C16orf96: variants seen among roughly 807,000 people sequenced by gnomAD.
C16orf96 encodes the protein chromosome 16 open reading frame 96, also known as uncharacterized protein C16orf96.
Under a neutral mutation model 103.6 loss-of-function variants are expected in C16orf96, and 108 were observed. That is an observed-to-expected ratio of 1.04 (90% CI 0.89 to 1.22). The LOEUF (loss-of-function observed/expected upper bound fraction) is 1.22, where lower values mean the gene tolerates loss of function less well. Ranked by LOEUF, C16orf96 falls within the 50% of genes most tolerant of loss-of-function variation. The pLI is 0.00. For synonymous variants in C16orf96, 566 were observed against 593.5 expected, an observed-to-expected ratio of 0.95 and a Z score of 0.67; for missense variants, 1,586 against 1,464.2, an observed-to-expected ratio of 1.08 and a Z score of -1.36.
the C16orf96 span, among the ~76,000 whole-genome samples, chr16:4,549,088 A>G: frequency 1.3e-5 from 2 of 152,082 alleles, no homozygotes; most frequent in African/African-American, 2.4e-5. Flanking sequence ...CCCGAGTCTT[A>G]TATGGAGACC....
At chr16:4,561,667 A>C (rs2059332911) in intron 1 of C16orf96, 1 of 152,246 alleles carries the variant, frequency 6.6e-6, no homozygotes, top group Non-Finnish European at 1.5e-5. Context: ...ATCATTAGAG[A>C]ATCTTGCCTT....
chr16:4,596,551 G>T (rs1055039389), intron 14 of C16orf96, among the ~76,000 whole-genome samples: 1 of 151,220 alleles, frequency 6.6e-6, no homozygotes, highest in Admixed American at 6.6e-5. Context: ...GCATGGTGGC[G>T]TGCGCCTGTA....
At chr16:4,572,381 C>T (rs71384702) in intron 2 of C16orf96, among the ~76,000 whole-genome samples, 1 of 146,462 alleles carries the variant, frequency 6.8e-6, no homozygotes, top group Non-Finnish European at 1.5e-5. Context: ...CTCACTGCAA[C>T]CTCCACCTCC....
rs974753446 is a variant in C16orf96 at position 4,599,358 on chromosome 16, T to C, written c.3202T>C (p.Cys1068Arg). The change falls in exon 15 of 16, where the codon TGC (cysteine) becomes CGC (arginine). Residue 1068 changes from cysteine (C) to arginine (R), a missense_variant. Cys to Arg is a radical substitution (Grantham distance 180). Coordinates refer to ENST00000444310, the MANE Select transcript of C16orf96 (RefSeq NM_001145011.2). ...CTCCAGTGCCCTATTTGGCGCCATC[T>C]GCCCCCGTGAGTACCTGGTTCCCAG... ...VHSSALFGAI[C>R]PPLCPRSSAC... is the part of the protein sequence containing the mutation. 1.5e-5 allele frequency: 24 copies of C among 1,551,386 alleles called. 1 individual carries two copies. In the Admixed American group the frequency reaches 3.7e-4, roughly 24 times the overall value.
the C16orf96 span, among the ~76,000 whole-genome samples, chr16:4,541,364 C>G: frequency 6.6e-6 from 1 of 152,168 alleles, no homozygotes; most frequent in East Asian, 1.9e-4. Context: ...GTGGTGCTTT[C>G]TCATTCATTC....
the C16orf96 span, among the ~76,000 whole-genome samples, chr16:4,542,775 C>G: frequency 6.6e-6 from 1 of 151,634 alleles, no homozygotes; most frequent in East Asian, 1.9e-4. Flanking sequence ...CCAGCCTGGG[C>G]GACAAGCAAA....
At chr16:4,544,438 T>C in the C16orf96 span, among the ~76,000 whole-genome samples, 1 of 152,204 alleles carries the variant, frequency 6.6e-6, no homozygotes, top group South Asian at 2.1e-4. Context: ...AAACCCGGTA[T>C]CTACAAAAAA....
intron 1 of C16orf96, 129 bp from the exon 2 acceptor site, chr16:4,571,432 T>C (rs1380785435): frequency 4.3e-6 from 3 of 700,380 alleles, no homozygotes; most frequent in Admixed American, 2.9e-5. Context: ...CCCTTGTAGG[T>C]TCCAGTCTAG....
chr16:4,571,701 G>C (rs773449144), intron 2 of C16orf96, 36 bp downstream of exon 2: 7 of 1,493,750 alleles, frequency 4.7e-6, no homozygotes, highest in Non-Finnish European at 4.5e-6. Context: ...TGCCAGCTGC[G>C]TTGCTCAGGC....
intron 1 of C16orf96, among the ~76,000 whole-genome samples, chr16:4,558,338 G>A (rs1659505): frequency 0.18 from 27,344 of 152,204 alleles, 2,586 homozygotes; most frequent in Middle Eastern, 0.3. Flanking sequence ...AAAATAAGCC[G>A]AGCACAGTGG....
chr16:4,568,835 G>A (rs1289366878), intron 1 of C16orf96, among the ~76,000 whole-genome samples: 2 of 151,688 alleles, frequency 1.3e-5, no homozygotes, highest in African/African-American at 4.8e-5. Flanking sequence ...CCGCTATGTT[G>A]CCCAGGCTGG....
At position 4,576,514 on chromosome 16, in the gene C16orf96, C is replaced by A; in HGVS notation, c.2034C>A (p.Asp678Glu). ...VATKQAMSPE[D>E]KKRAVKYSMS... The stretch of plus-strand genomic sequence containing the variant: ...CCAAGCAGGCCATGAGCCCTGAAGA[C>A]AAGAAGAGGGCTGTCAAGTATTCCA... The change falls in exon 5 of 16, where the codon GAC becomes GAA. Residue 678 changes from aspartate to glutamate, a missense_variant. Coordinates refer to ENST00000444310, the MANE Select transcript of C16orf96 (RefSeq NM_001145011.2). 6.4e-7 allele frequency: 1 copy of A among 1,550,962 alleles called. No individual in the cohort carries two copies. The highest frequency in any genetic ancestry group is 2.4e-5 in the East Asian group (1 of 40,890).
chr16:4,572,613 C>G (rs2059452750), intron 2 of C16orf96, among the ~76,000 whole-genome samples: 2 of 152,080 alleles, frequency 1.3e-5, no homozygotes, highest in South Asian at 4.1e-4. Context: ...ACTGACGTTT[C>G]TCAGTGAAAC....
Position 4,594,772 on chromosome 16 carries a change from T to C in C16orf96, c.3096T>C (p.Ala1032=). The C allele has an allele frequency of 1.9e-6, 3 of 1,550,832 alleles. No homozygotes were observed. Among genetic ancestry groups the C allele is most frequent in the Non-Finnish European group, 2.6e-6 (3 of 1,146,890 alleles). The change falls in exon 14 of 16, where the codon GCT becomes GCC. Residue 1032 remains alanine, a synonymous_variant. Coordinates refer to ENST00000444310, the MANE Select transcript of C16orf96 (RefSeq NM_001145011.2). Reference sequence around the variant, plus strand: ...GCCGCGTGAACAGCCAGCGTGGGGCTCAGCCCTTGGCCGTCGCAAAGGAGC... The same window carrying C: ...GCCGCGTGAACAGCCAGCGTGGGGCCCAGCCCTTGGCCGTCGCAAAGGAGC... ...YKGRVNSQRG[A]QPLAVAKELA...
At chr16:4,579,059 T>G in intron 6 of C16orf96, 34 bp downstream of exon 6, 1 of 1,536,698 alleles carries the variant, frequency 6.5e-7, no homozygotes, top group Non-Finnish European at 8.8e-7. Flanking sequence ...TTTGAGGCAG[T>G]GATGGCTTGA....
chr16:4,592,793 G>A (rs1394834726), intron 11 of C16orf96, among the ~76,000 whole-genome samples: 1 of 152,182 alleles, frequency 6.6e-6, no homozygotes, highest in Non-Finnish European at 1.5e-5. Context: ...GAGCCCAGGA[G>A]TTCGAGGCTG....
chr16:4,543,891 C>T, the C16orf96 span, among the ~76,000 whole-genome samples: 1 of 152,122 alleles, frequency 6.6e-6, no homozygotes, highest in South Asian at 2.1e-4. Context: ...ATCCTCCCAC[C>T]TAGGCCTCCC....
At chr16:4,556,961 C>T (rs772113169) in intron 1 of C16orf96, 52 bp downstream of exon 1, 17 of 1,466,336 alleles carry the variant, frequency 1.2e-5, no homozygotes, top group Non-Finnish European at 1.5e-5. Context: ...CACTGGCTCT[C>T]TCCTGGGACG....
intron 1 of C16orf96, among the ~76,000 whole-genome samples, chr16:4,567,271 ATTTCT>A (rs1292667959): frequency 8.2e-6 from 1 of 122,530 alleles, no homozygotes; most frequent in Non-Finnish European, 1.7e-5. Context: ...TCTTTGACAT[ATTTCT>A]TTTCTTTTTT....
Sources: gnomAD v4.1 joint callset for allele counts (sites outside exome capture counted in the v4.1 genomes callset) on GRCh38, gnomAD v4.1.1 for gene constraint, MANE v1.5 for transcripts, NCBI Gene and HGNC (gene_info 2026-07-23, HGNC 2026-07-21) for gene names.